The following CDC42BPA variants were observed in gnomAD, a reference collection of about 807,000 sequenced individuals.
The protein encoded by CDC42BPA is serine/threonine-protein kinase MRCK alpha.
Under a neutral mutation model 223.5 loss-of-function variants are expected in CDC42BPA, and 80 were observed. That is an observed-to-expected ratio of 0.36 (90% CI 0.30 to 0.43). CDC42BPA has a LOEUF of 0.43. CDC42BPA is among the 20% of genes least tolerant of loss of function. The pLI, the probability that CDC42BPA is intolerant of heterozygous loss-of-function variation, is 1.00. For missense variants in CDC42BPA, 1,743 were observed against 2,099.9 expected (o/e 0.83, Z 3.32); for synonymous variants, 694 against 718.6 (o/e 0.97, Z 0.55).
At chr1:227,042,759 TGAAAA>T (rs977637524) in intron 23 of CDC42BPA, among the ~76,000 whole-genome samples, 3 of 151,770 alleles carry the variant, frequency 2.0e-5, no homozygotes, top group African/African-American at 7.3e-5. Context: ...GAGAAAAAAA[TGAAAA>T]GAAAAAAATC....
Position 227,074,284 on chromosome 1 carries a change from T to G in CDC42BPA, c.2561A>C (p.Asn854Thr). Residue 854 changes from asparagine to threonine, a missense_variant, in exon 18 of 37, where the codon AAT becomes ACT. Asn to Thr is a moderately conservative substitution (Grantham distance 65). This residue lies in a region of CDC42BPA where 36 missense variants were observed against 71.9 expected (regional missense o/e 0.50). Transcript: ENST00000366766. Reference protein sequence around the residue: ...KMTEELEALRNSSLGTRATDM... With the variant: ...KMTEELEALRTSSLGTRATDM... ...TGTTGCTCGTGTACCCAAGCTGGAA[T>G]TTCTTAATGCCTCCAATTCTTCAGT... is the stretch of plus-strand genomic sequence containing the variant. 1 of 1,613,660 alleles carries G rather than the reference T, an allele frequency of 6.2e-7. No individual in the cohort carries two copies. Among genetic ancestry groups the G allele is most frequent in the Non-Finnish European group, 8.5e-7 (1 of 1,179,648 alleles).
chr1:227,313,226 G>A (rs1460525524), intron 1 of CDC42BPA, among the ~76,000 whole-genome samples: 1 of 152,098 alleles, frequency 6.6e-6, no homozygotes, highest in Non-Finnish European at 1.5e-5. Flanking sequence ...AAAGACTTTA[G>A]GGGTTAACAG....
At chr1:227,077,531 T>C (rs1679749468) in intron 17 of CDC42BPA, among the ~76,000 whole-genome samples, 1 of 152,174 alleles carries the variant, frequency 6.6e-6, no homozygotes, top group African/African-American at 2.4e-5. Flanking sequence ...GCTTTTATAA[T>C]ATAGCCCTTA....
chr1:227,289,071 C>G (rs929171025), intron 1 of CDC42BPA, among the ~76,000 whole-genome samples: 1 of 152,110 alleles, frequency 6.6e-6, no homozygotes, highest in African/African-American at 2.4e-5. Context: ...TCCCCTACTA[C>G]AGCCCAACTT....
chr1:227,163,010 A>C (rs1192946736), intron 5 of CDC42BPA, among the ~76,000 whole-genome samples: 1 of 48,462 alleles, frequency 2.1e-5, no homozygotes, highest in Non-Finnish European at 5.5e-5. Flanking sequence ...GTATGTTTCC[A>C]AACGTGTATG....
intron 1 of CDC42BPA, among the ~76,000 whole-genome samples, chr1:227,295,825 A>T (rs1394215252): frequency 7.2e-5 from 11 of 152,336 alleles, no homozygotes; most frequent in Admixed American, 3.9e-4. Context: ...ACGGGAATAA[A>T]GTGGGGAAAG....
chr1:227,277,798 G>A (rs1344236038), intron 1 of CDC42BPA, among the ~76,000 whole-genome samples: 1 of 152,154 alleles, frequency 6.6e-6, no homozygotes. Context: ...CGCCCAGGCT[G>A]GAGTGCAGTG....
chr1:227,027,132 G>C (rs138795197), intron 30 of CDC42BPA, among the ~76,000 whole-genome samples: 107 of 152,174 alleles, frequency 7.0e-4, no homozygotes, highest in African/African-American at 2.5e-3. Flanking sequence ...ATTAAAAATA[G>C]TTAATTCCCA....
chr1:227,204,439 T>C (rs1672316583), intron 3 of CDC42BPA, among the ~76,000 whole-genome samples: 1 of 152,304 alleles, frequency 6.6e-6, no homozygotes, highest in East Asian at 1.9e-4. Flanking sequence ...ATAATTTTAT[T>C]GGAACAATAG....
chr1:227,039,527 AC>A (rs1377329337), intron 24 of CDC42BPA, among the ~76,000 whole-genome samples: 1 of 152,178 alleles, frequency 6.6e-6, no homozygotes, highest in African/African-American at 2.4e-5. Context: ...ATAAAGGAAT[AC>A]CCAAACAAAT....
At chr1:227,297,111 T>C (rs1385260110) in intron 1 of CDC42BPA, among the ~76,000 whole-genome samples, 2 of 152,202 alleles carry the variant, frequency 1.3e-5, no homozygotes, top group Non-Finnish European at 2.9e-5. Flanking sequence ...TAGTCTATCT[T>C]TTAAAGTGGG....
chr1:227,202,587 T>C (rs1671971945), intron 3 of CDC42BPA, among the ~76,000 whole-genome samples: 1 of 152,136 alleles, frequency 6.6e-6, no homozygotes, highest in Non-Finnish European at 1.5e-5. Context: ...TGAGTTCTAA[T>C]CTATGCTAAT....
At chr1:227,137,022 G>T (rs905340605) in intron 10 of CDC42BPA, among the ~76,000 whole-genome samples, 1 of 151,976 alleles carries the variant, frequency 6.6e-6, no homozygotes, top group Non-Finnish European at 1.5e-5. Context: ...AATGAGTAAA[G>T]AAAACATAAA....
chr1:227,280,191 G>C (rs939000588), intron 1 of CDC42BPA, among the ~76,000 whole-genome samples: 1 of 152,164 alleles, frequency 6.6e-6, no homozygotes, highest in African/African-American at 2.4e-5. Flanking sequence ...ACATAGCCTG[G>C]TATCAACCAT....
rs1323383665 is a variant in CDC42BPA at position 227,069,794 on chromosome 1, C to G, written c.2887G>C (p.Ala963Pro). ...FLAFLNTPTD[A>P]LDQFETDPVE... ...ATACTTACTTCAAATTGATCCAGAG[C>G]ATCGGTAGGCGTATTCAAAAATGCC... The change falls in exon 21 of 37, where the codon GCT becomes CCT. Residue 963 changes from alanine to proline, a missense_variant. By Grantham distance (27) the Ala-to-Pro change is conservative. Around this residue, in one of 6 missense-constraint regions of CDC42BPA, gnomAD observed 678 missense variants for 777.5 expected, o/e 0.87. Coordinates refer to ENST00000366766, the MANE Select transcript of CDC42BPA (RefSeq NM_001394014.1). The G allele has an allele frequency of 6.2e-7, 1 of 1,609,860 alleles. No individual in the cohort carries two copies. Among genetic ancestry groups the G allele is most frequent in the East Asian group, 2.2e-5 (1 of 44,726 alleles).
At chr1:227,175,304 A>C (rs1666760445) in intron 5 of CDC42BPA, among the ~76,000 whole-genome samples, 1 of 152,170 alleles carries the variant, frequency 6.6e-6, no homozygotes, top group African/African-American at 2.4e-5. Context: ...CCCAGAAAGA[A>C]GCCCTTGAAA....
intron 1 of CDC42BPA, among the ~76,000 whole-genome samples, chr1:227,261,118 G>GTTTTTTTTTT: frequency 2.0e-5 from 1 of 51,172 alleles, no homozygotes; most frequent in African/African-American, 6.8e-5. Flanking sequence ...GAATAATTGA[G>GTTTTTTTTTT]TTTTTCTTTT....
Position 227,156,056 on chromosome 1 carries a change from A to T in CDC42BPA, c.693+4487T>A, listed in dbSNP as rs187228788. On this transcript the variant is annotated intron_variant, in intron 6 of 36. Coordinates refer to ENST00000366766, the MANE Select transcript of CDC42BPA (RefSeq NM_001394014.1). ...ATAGAGCAAGACCCTGCCTCAAAAA[A>T]TAAGACAATAAAATCTAAAAATTAA... 3.7e-3 allele frequency among the ~76,000 whole-genome samples: 559 copies of T among 152,300 alleles called. 3 individuals carry two copies. Among genetic ancestry groups the T allele is most frequent in the African/African-American group, 0.013 (540 of 41,566 alleles).
intron 16 of CDC42BPA, among the ~76,000 whole-genome samples, chr1:227,084,126 T>C (rs1681313365): frequency 1.3e-5 from 2 of 152,194 alleles, no homozygotes; most frequent in Admixed American, 1.3e-4. Context: ...GTGGTATTCA[T>C]ATAGTATTAT....
Sources: gnomAD v4.1 joint callset for allele counts (sites outside exome capture counted in the v4.1 genomes callset) on GRCh38, gnomAD v4.1.1 for gene constraint, gnomAD v4.1.1 regional missense constraint, MANE v1.5 for transcripts, NCBI Gene and HGNC (gene_info 2026-07-23, HGNC 2026-07-21) for gene names.